The following ABAT variants were observed in gnomAD, a reference collection of about 807,000 sequenced individuals.
The protein encoded by ABAT is 4-aminobutyrate aminotransferase, mitochondrial.
ABAT carries 45 observed loss-of-function variants against 64.6 expected under a neutral mutation model. That is an observed-to-expected ratio of 0.70 (90% CI 0.55 to 0.89). The LOEUF is 0.89. ABAT is among the 40% of genes least tolerant of loss of function. ABAT has a pLI of 0.00. For missense variants in ABAT, 633 were observed against 658.4 expected (o/e 0.96, Z 0.42); for synonymous variants, 297 against 250.5 (o/e 1.19, Z -1.75).
rs558127730 is a variant in ABAT at position 8,729,181 on chromosome 16, G to A, written c.-41-6518G>A. ...AAATTAGCTGGGCGTGGCGGCGTTCGCCTGTAGTTCCAGGTACTTGGGAGG... is the reference window on the plus strand; with the variant it reads ...AAATTAGCTGGGCGTGGCGGCGTTCACCTGTAGTTCCAGGTACTTGGGAGG... On this transcript the variant is annotated intron_variant, in intron 1 of 15. Coordinates refer to ENST00000268251, the MANE Select transcript of ABAT (RefSeq NM_020686.6). 2.8e-4 allele frequency among the ~76,000 whole-genome samples: 43 copies of A among 151,554 alleles called. 1 individual carries two copies. The highest frequency in any genetic ancestry group is 7.5e-4 in the African/African-American group (31 of 41,354).
chr16:8,705,084 G>C (rs1015708198), intron 1 of ABAT, among the ~76,000 whole-genome samples: 5 of 151,720 alleles, frequency 3.3e-5, no homozygotes, highest in African/African-American at 1.2e-4. Flanking sequence ...TTTTTTGATG[G>C]GGTGCTGTAT....
Position 8,753,677 on chromosome 16 carries a change from G to A in ABAT, c.316+3138G>A, listed in dbSNP as rs554368430. Among the ~76,000 whole-genome samples, 9 of 152,344 alleles carry A rather than the reference G, an allele frequency of 5.9e-5. No homozygotes were observed. In the South Asian group the frequency reaches 6.2e-4, roughly 11 times the overall value. On this transcript the variant is annotated intron_variant, in intron 5 of 15. Coordinates refer to ENST00000268251, the MANE Select transcript of ABAT (RefSeq NM_020686.6). ...CTTAAAGACCTTTGGCCCCGAAACA[G>A]TTGGAGAAACCCAGAGTGTTCCTTT...
chr16:8,729,061 C>T (rs528486977), intron 1 of ABAT, among the ~76,000 whole-genome samples: 19 of 152,078 alleles, frequency 1.2e-4, no homozygotes, highest in Admixed American at 2.6e-4. Context: ...AATCTCAGCA[C>T]GTTGGGAGGC....
intron 5 of ABAT, among the ~76,000 whole-genome samples, chr16:8,755,989 C>T (rs2059638736): frequency 6.6e-6 from 1 of 152,044 alleles, no homozygotes; most frequent in East Asian, 1.9e-4. Context: ...GCGGAGCTTG[C>T]AGTGAGCCGA....
chr16:8,750,404 G>T lies in ABAT; in HGVS notation c.199-18G>T. ...AGGGAGTGGCAGTGAGCCTGAGTTG[G>T]TCTTTTCTTTCTCCAAGAATGCAGA... On this transcript the variant is annotated intron_variant, in intron 4 of 15. Transcript: ENST00000268251. The T allele has an allele frequency of 6.2e-7, 1 of 1,608,258 alleles. No homozygotes were observed. Among genetic ancestry groups the T allele is most frequent in the Non-Finnish European group, 8.5e-7 (1 of 1,174,698 alleles).
In ABAT at chr16:8,750,421, G is replaced by T; in HGVS notation, c.199-1G>T. 1 of 1,613,484 alleles carries T rather than the reference G, an allele frequency of 6.2e-7. No homozygotes were observed. Among genetic ancestry groups the T allele is most frequent in the Non-Finnish European group, 8.5e-7 (1 of 1,179,410 alleles). On this transcript the variant is annotated splice_acceptor_variant, in intron 4 of 15. Coordinates refer to ENST00000268251, the MANE Select transcript of ABAT (RefSeq NM_020686.6). LOFTEE classifies it high-confidence loss of function. The stretch of plus-strand genomic sequence containing the variant: ...CTGAGTTGGTCTTTTCTTTCTCCAA[G>T]AATGCAGAGGCTGTGCATTTTTTCT...
At chr16:8,679,707 G>A (rs1201514885) in intron 1 of ABAT, among the ~76,000 whole-genome samples, 1 of 151,954 alleles carries the variant, frequency 6.6e-6, no homozygotes, top group East Asian at 1.9e-4. Context: ...GGATGCAGAA[G>A]ACAAAAGCCT....
At chr16:8,720,868 A>G (rs547129616) in intron 1 of ABAT, 43 of 152,344 alleles carry the variant, frequency 2.8e-4, no homozygotes, top group African/African-American at 1.0e-3. Context: ...TGGGGGGTCC[A>G]TTTCTAGCCG....
intron 1 of ABAT, among the ~76,000 whole-genome samples, chr16:8,676,291 C>G (rs1022464552): frequency 4.6e-5 from 7 of 152,102 alleles, no homozygotes; most frequent in African/African-American, 1.7e-4. Context: ...CACACAGAGG[C>G]ACAAAAGGGG....
At position 8,774,949 on chromosome 16, in the gene ABAT, C is replaced by A. The variant is rs934153114; in HGVS notation, c.1014C>A (p.Phe338Leu). ...VQTGGGCTGK[F>L]WAHEHWGLDD... ...CCGGAGGAGGCTGCACGGGCAAGTT[C>A]TGGGCCCATGAGCACTGGGGCCTGG... is the stretch of plus-strand genomic sequence containing the variant. The change falls in exon 13 of 16, where the codon TTC becomes TTA. Residue 338 changes from phenylalanine to leucine, a missense_variant. Physicochemically the swap from Phe to Leu is conservative, Grantham distance 22. Coordinates refer to ENST00000268251, the MANE Select transcript of ABAT (RefSeq NM_020686.6). 1 of 1,614,058 alleles carries A rather than the reference C, an allele frequency of 6.2e-7. No individual in the cohort carries two copies. The highest frequency in any genetic ancestry group is 8.5e-7 in the Non-Finnish European group (1 of 1,180,048).
chr16:8,735,827 T>G lies in ABAT; in HGVS notation c.70+18T>G, dbSNP rs866966999. On this transcript the variant is annotated intron_variant, in intron 2 of 15. Transcript: ENST00000268251. ...GGTGCCTGGTAAGCCCCGGGGGTCT[T>G]GATAAGAACTGGTACTAATGGAAGA... 3.2e-6 allele frequency: 5 copies of G among 1,583,312 alleles called. No homozygotes were observed. Among genetic ancestry groups the G allele is most frequent in the Middle Eastern group, 1.7e-4 (1 of 6,020 alleles).
chr16:8,768,757 C>T (rs565133676), intron 10 of ABAT, 68 bp from the exon 11 acceptor site: 5 of 1,608,286 alleles, frequency 3.1e-6, no homozygotes, highest in Non-Finnish European at 4.2e-6. Flanking sequence ...TCTATCATCT[C>T]CTTTACAAAG....
chr16:8,779,133 G>A (rs535598735), intron 14 of ABAT, among the ~76,000 whole-genome samples: 23 of 152,290 alleles, frequency 1.5e-4, no homozygotes, highest in Admixed American at 2.0e-4. Flanking sequence ...GTCTCACCAC[G>A]GCCCCAGTGG....
intron 3 of ABAT, 114 bp downstream of exon 3, chr16:8,746,212 T>C (rs1038857767): frequency 1.7e-5 from 14 of 814,140 alleles, no homozygotes; most frequent in Non-Finnish European, 1.6e-5. Context: ...TTTCAGAGAG[T>C]TCACCACCAG....
At chr16:8,763,859 C>T (rs566458558) in intron 6 of ABAT, among the ~76,000 whole-genome samples, 176 of 152,364 alleles carry the variant, frequency 1.2e-3, no homozygotes, top group Non-Finnish European at 2.0e-3. Context: ...AACCAGGACA[C>T]TGACCCTTTT....
intron 1 of ABAT, among the ~76,000 whole-genome samples, chr16:8,702,433 A>C (rs2057844962): frequency 6.6e-6 from 1 of 152,088 alleles, no homozygotes; most frequent in Non-Finnish European, 1.5e-5. Context: ...TTATATTTTT[A>C]GTAGAGACAG....
intron 1 of ABAT, among the ~76,000 whole-genome samples, chr16:8,726,455 A>C (rs8059762): frequency 0.71 from 107,043 of 151,536 alleles, 38,822 homozygotes; most frequent in Non-Finnish European, 0.8. Flanking sequence ...GATGGGGTTT[A>C]GCCATGTTCG....
At chr16:8,755,078 GTTCT>G (rs889689456) in intron 5 of ABAT, among the ~76,000 whole-genome samples, 1 of 151,998 alleles carries the variant, frequency 6.6e-6, no homozygotes, top group Non-Finnish European at 1.5e-5. Context: ...TTTTCAGCAC[GTTCT>G]TTCTTTCTTT....
At chr16:8,773,105 TACAC>T (rs35248639) in intron 12 of ABAT, among the ~76,000 whole-genome samples, 188 bp downstream of exon 12, 29,718 of 108,728 alleles carry the variant, frequency 0.27, 3,788 homozygotes, top group Admixed American at 0.35. Context: ...CCTAAAACTA[TACAC>T]ACACACACAC....
Sources: gnomAD v4.1 joint callset for allele counts (sites outside exome capture counted in the v4.1 genomes callset) on GRCh38, gnomAD v4.1.1 for gene constraint, MANE v1.5 for transcripts, NCBI Gene and HGNC (gene_info 2026-07-23, HGNC 2026-07-21) for gene names.